The following CCDC171 variants were observed in gnomAD, a reference collection of about 807,000 sequenced individuals.
CCDC171 encodes coiled-coil domain containing 171, also known as coiled-coil domain-containing protein 171.
A neutral mutation model predicts 168.2 loss-of-function variants in CCDC171; 177 were observed. That is an observed-to-expected ratio of 1.05 (90% CI 0.93 to 1.19). The LOEUF (loss-of-function observed/expected upper bound fraction) is 1.19, where lower values mean the gene tolerates loss of function less well. Among genes scored for constraint, CCDC171 ranks in the 50% most tolerant of loss-of-function variants. The pLI is 0.00. For synonymous variants in CCDC171, 687 were observed against 540.8 expected, an observed-to-expected ratio of 1.27 and a Z score of -3.75; for missense variants, 1,991 against 1,539.0, an observed-to-expected ratio of 1.29 and a Z score of -4.91.
At chr9:15,565,919 C>G (rs2039690666) in intron 2 of CCDC171, among the ~76,000 whole-genome samples, 1 of 152,194 alleles carries the variant, frequency 6.6e-6, no homozygotes, top group East Asian at 1.9e-4. Flanking sequence ...TTAAAATTTT[C>G]AAGAAACTGC....
rs149440410 is a variant in CCDC171, at chr9:15,562,217, A to G, written c.-111-1761A>G. 4.7e-4 allele frequency among the ~76,000 whole-genome samples: 71 copies of G among 151,792 alleles called. 1 individual carries two copies. The highest frequency in any genetic ancestry group is 1.6e-3 in the African/African-American group (67 of 41,410). On this transcript the variant is annotated intron_variant, in intron 1 of 25. Coordinates refer to ENST00000380701, the MANE Select transcript of CCDC171 (RefSeq NM_173550.4). The stretch of plus-strand genomic sequence containing the variant: ...CACCATCTTAGCCAGACTGGTCTCT[A>G]CCTCCTGACCTCGTGATCCACCCAC...
At chr9:16,075,584 G>T in the CCDC171 span, among the ~76,000 whole-genome samples, 1 of 152,072 alleles carries the variant, frequency 6.6e-6, no homozygotes. Context: ...ACTAACAAAG[G>T]AACTCAAATC....
rs546422802 is a variant in CCDC171 at position 15,816,296 on chromosome 9, A to C, written c.3268-30406A>C. Among the ~76,000 whole-genome samples the C allele has an allele frequency of 3.4e-5, 4 of 118,072 alleles. 2 individuals carry two copies. The highest frequency in any genetic ancestry group is 4.2e-4 in the East Asian group (2 of 4,716). 77.5% of individuals were successfully genotyped at this position (118,072 alleles called of 152,430 possible). Reference sequence around the variant, plus strand: ...AATTTGTATAAACTTTTTTACAAACATTATATTAGTTTTTTAAATTAAACC... The same window carrying C: ...AATTTGTATAAACTTTTTTACAAACCTTATATTAGTTTTTTAAATTAAACC... On this transcript the variant is annotated intron_variant, in intron 21 of 25. Coordinates refer to ENST00000380701, the MANE Select transcript of CCDC171 (RefSeq NM_173550.4).
chr9:16,032,335 CAA>C (rs1038620504), intron 6 of CCDC171, among the ~76,000 whole-genome samples: 6 of 152,186 alleles, frequency 3.9e-5, no homozygotes, highest in South Asian at 4.1e-4. Context: ...GAAAAAAAGA[CAA>C]GAGTTGAAAT....
At position 15,791,187 on chromosome 9, in the gene CCDC171, C is replaced by T. The variant is rs527737947; in HGVS notation, c.3267+6493C>T. Among the ~76,000 whole-genome samples the T allele has an allele frequency of 5.9e-5, 9 of 152,200 alleles. No individual in the cohort carries two copies. The South Asian group carries it at 6.2e-4, about 11-fold the overall frequency. On this transcript the variant is annotated intron_variant, in intron 21 of 25. Coordinates refer to ENST00000380701, the MANE Select transcript of CCDC171 (RefSeq NM_173550.4). ...CACTGAATGTATAAATTACCTTGGG[C>T]GGTATGGCCATTTTCACGATGTTGA... is the stretch of plus-strand genomic sequence containing the variant.
At chr9:15,689,555 A>G (rs2050641519) in intron 10 of CCDC171, among the ~76,000 whole-genome samples, 1 of 152,164 alleles carries the variant, frequency 6.6e-6, no homozygotes, top group South Asian at 2.1e-4. Context: ...TACTAAAAAT[A>G]TAAAAATTTG....
rs1167115822 is a variant in CCDC171, at chr9:15,744,042, A to G, written c.2050-231A>G. On this transcript the variant is annotated intron_variant, in intron 16 of 25. Transcript: ENST00000380701. Reference sequence around the variant, plus strand: ...CTTAAATTTATGTGTTCTACTTTACATAAAGCTTCTATGTGAGAGGATTTA... The same window carrying G: ...CTTAAATTTATGTGTTCTACTTTACGTAAAGCTTCTATGTGAGAGGATTTA... Among the ~76,000 whole-genome samples the G allele has an allele frequency of 5.9e-5, 9 of 152,224 alleles. No individual in the cohort carries two copies. The South Asian group carries it at 1.2e-3, about 21-fold the overall frequency.
chr9:15,829,335 T>C (rs1013609799), intron 21 of CCDC171, among the ~76,000 whole-genome samples: 3 of 152,196 alleles, frequency 2.0e-5, no homozygotes, highest in Non-Finnish European at 4.4e-5. Flanking sequence ...CGATACATGA[T>C]AACTTGAGGG....
chr9:15,773,331 A>T (rs1475142849), intron 18 of CCDC171, among the ~76,000 whole-genome samples: 1 of 152,182 alleles, frequency 6.6e-6, no homozygotes, highest in East Asian at 1.9e-4. Context: ...AAGTAGTGGA[A>T]CTGTTGCAAT....
chr9:15,888,891 C>G (rs1402314750), intron 24 of CCDC171: 1 of 143,220 alleles, frequency 7.0e-6, no homozygotes, highest in Non-Finnish European at 1.5e-5. Context: ...TATTCCAGAT[C>G]TTGATGAGCT....
chr9:15,583,472 A>G (rs1438052489), intron 4 of CCDC171, among the ~76,000 whole-genome samples: 1 of 152,196 alleles, frequency 6.6e-6, no homozygotes, highest in East Asian at 1.9e-4. Flanking sequence ...AGCCATAAAA[A>G]GAACGAAATA....
At chr9:15,566,682 G>A (rs1211033201) in intron 2 of CCDC171, among the ~76,000 whole-genome samples, 1 of 152,186 alleles carries the variant, frequency 6.6e-6, no homozygotes, top group African/African-American at 2.4e-5. Context: ...CTTTGATGAA[G>A]TCCAGTTTAT....
intron 24 of CCDC171, among the ~76,000 whole-genome samples, chr9:15,905,223 T>C (rs10810466): frequency 0.54 from 81,728 of 149,962 alleles, 22,191 homozygotes; most frequent in East Asian, 0.8. Flanking sequence ...ATATACATTC[T>C]TCTCAGCACC....
chr9:15,597,595 T>C (rs2042474614), intron 6 of CCDC171, among the ~76,000 whole-genome samples: 1 of 152,168 alleles, frequency 6.6e-6, no homozygotes, highest in Non-Finnish European at 1.5e-5. Flanking sequence ...GGGATATTGG[T>C]CTAAAATTCT....
rs756277398 is a variant in CCDC171, at chr9:15,848,938, G to A, written c.3459G>A (p.Thr1153=). 9 of 1,537,800 alleles carry A rather than the reference G, an allele frequency of 5.9e-6. No individual in the cohort carries two copies. The highest frequency in any genetic ancestry group is 1.2e-5 in the South Asian group (1 of 81,200). ...ATCACATGAGAGCAGTAGAAAATACGCTTCACAAGGTACTGTTATTTTTCT... is the reference window on the plus strand; with the variant it reads ...ATCACATGAGAGCAGTAGAAAATACACTTCACAAGGTACTGTTATTTTTCT... ...VANHMRAVEN[T]LHKVRDQISL... The change falls in exon 23 of 26, where the codon ACG becomes ACA. Residue 1153 remains threonine (T), a synonymous_variant. Transcript: ENST00000380701.
At chr9:15,614,419 C>G (rs2043934985) in intron 6 of CCDC171, among the ~76,000 whole-genome samples, 2 of 152,136 alleles carry the variant, frequency 1.3e-5, no homozygotes, top group Admixed American at 1.3e-4. Context: ...AGTTAAAATG[C>G]CACATATCTC....
At chr9:15,834,862 G>C (rs1368356143) in intron 21 of CCDC171, among the ~76,000 whole-genome samples, 1 of 152,184 alleles carries the variant, frequency 6.6e-6, no homozygotes, top group Admixed American at 6.5e-5. Context: ...CTTTATGGTG[G>C]TTTTATCTTA....
rs537106442 is a variant in CCDC171, at chr9:15,829,416, C to G, written c.3268-17286C>G. On this transcript the variant is annotated intron_variant, in intron 21 of 25. Coordinates refer to ENST00000380701, the MANE Select transcript of CCDC171 (RefSeq NM_173550.4). ...TGTGTCTAAAATGAAAGCCTTGATT[C>G]TGAAAACATGTAAAGATGAGAAGAG... Among the ~76,000 whole-genome samples the G allele has an allele frequency of 8.5e-5, 13 of 152,124 alleles. No homozygotes were observed. The East Asian group carries it at 2.3e-3, about 27-fold the overall frequency.
rs188715090 is a variant in CCDC171 at position 15,629,562 on chromosome 9, G to A, written c.822+6149G>A. 6.1e-3 allele frequency among the ~76,000 whole-genome samples: 925 copies of A among 152,326 alleles called. 8 individuals carry two copies. The highest frequency in any genetic ancestry group is 0.022 in the African/African-American group (900 of 41,574). On this transcript the variant is annotated intron_variant, in intron 7 of 25. Transcript: ENST00000380701. The stretch of plus-strand genomic sequence containing the variant: ...AAATCTACGTCTGATGGGTGTACCT[G>A]AAAATGACGGGGAGAATGGAACCAA...
Sources: gnomAD v4.1 joint callset for allele counts (sites outside exome capture counted in the v4.1 genomes callset) on GRCh38, gnomAD v4.1.1 for gene constraint, MANE v1.5 for transcripts, NCBI Gene and HGNC (gene_info 2026-07-23, HGNC 2026-07-21) for gene names.